Variants in BRMS1L observed in about 807,000 individuals in gnomAD.
The protein encoded by BRMS1L is BRMS1 like transcriptional repressor.
A neutral mutation model predicts 50.3 loss-of-function variants in BRMS1L; 23 were observed. That is an observed-to-expected ratio of 0.46 (90% CI 0.33 to 0.65). The LOEUF is 0.65. Ranked by LOEUF, BRMS1L falls within the 30% of genes least tolerant of loss-of-function variation. BRMS1L has a pLI of 0.02. For synonymous variants in BRMS1L, 114 were observed against 126.9 expected (o/e 0.90, Z 0.69); for missense variants, 286 against 386.1 (o/e 0.74, Z 2.17).
chr14:35,860,845 T>C (rs1269704727), intron 4 of BRMS1L, among the ~76,000 whole-genome samples: 1 of 152,184 alleles, frequency 6.6e-6, no homozygotes, highest in Non-Finnish European at 1.5e-5. Context: ...AAGGGGTTAT[T>C]AGTGAGCAGG....
Position 35,826,486 on chromosome 14 carries a change from C to A in BRMS1L, c.-31C>A. 2 of 1,560,168 alleles carry A rather than the reference C, an allele frequency of 1.3e-6. No homozygotes were observed. The highest frequency in any genetic ancestry group is 1.2e-5 in the South Asian group (1 of 84,958). On this transcript the variant is annotated 5_prime_UTR_variant, in exon 1 of 10. Transcript: ENST00000216807. ...AAGCGGCGGTGGCCGGGCTGGGCGC[C>A]GGTAGTGGAAAGCGACGGCGCGGCT... is the stretch of plus-strand genomic sequence containing the variant.
At chr14:35,827,790 A>G (rs971285726) in intron 1 of BRMS1L, among the ~76,000 whole-genome samples, 16 of 152,248 alleles carry the variant, frequency 1.1e-4, no homozygotes, top group African/African-American at 3.9e-4. Flanking sequence ...AATCGTTTCA[A>G]TATTGGGTGG....
Position 35,868,199 on chromosome 14 carries a change from A to G in BRMS1L, c.854+167A>G, listed in dbSNP as rs150833423. On this transcript the variant is annotated intron_variant, in intron 9 of 9. Transcript: ENST00000216807. ...TACATGTGTGTACAGCAGTGTTAATATGTATGAACCAGACTTCATATTAAG... is the reference window on the plus strand; with the variant it reads ...TACATGTGTGTACAGCAGTGTTAATGTGTATGAACCAGACTTCATATTAAG... Among the ~76,000 whole-genome samples the G allele has an allele frequency of 8.5e-5, 13 of 152,326 alleles. No homozygotes were observed. In the East Asian group the frequency reaches 2.5e-3, roughly 29 times the overall value.
At chr14:35,861,142 G>A (rs982676157) in intron 4 of BRMS1L, among the ~76,000 whole-genome samples, 5 of 152,136 alleles carry the variant, frequency 3.3e-5, no homozygotes, top group African/African-American at 7.2e-5. Flanking sequence ...ATGGATTCAT[G>A]GCAGTTTAAA....
In BRMS1L at chr14:35,859,080, T is replaced by G. The variant is rs141012177; in HGVS notation, c.442-3510T>G. Among the ~76,000 whole-genome samples the G allele has an allele frequency of 2.4e-3, 367 of 152,100 alleles. 2 individuals carry two copies. Among genetic ancestry groups the G allele is most frequent in the Admixed American group, 4.5e-3 (69 of 15,270 alleles). ...CCTCAGCCTGCCGAGTAGCTGGGAT[T>G]ACAGGTTCCTGCACCACGCCCGGCT... On this transcript the variant is annotated intron_variant, in intron 4 of 9. Coordinates refer to ENST00000216807, the MANE Select transcript of BRMS1L (RefSeq NM_032352.4).
chr14:35,868,446 A>T (rs1007731854), intron 9 of BRMS1L, among the ~76,000 whole-genome samples: 4 of 152,196 alleles, frequency 2.6e-5, no homozygotes, highest in African/African-American at 9.7e-5. Flanking sequence ...TAGAGTAGGA[A>T]ATAAATGGAA....
At chr14:35,857,240 CA>C (rs200406365) in intron 4 of BRMS1L, among the ~76,000 whole-genome samples, 17 of 125,466 alleles carry the variant, frequency 1.4e-4, no homozygotes, top group African/African-American at 2.8e-4. Flanking sequence ...GACTCCGTCT[CA>C]AAAAAAAAAA....
At chr14:35,834,103 A>G (rs1402370859) in intron 3 of BRMS1L, among the ~76,000 whole-genome samples, 1 of 152,130 alleles carries the variant, frequency 6.6e-6, no homozygotes, top group Non-Finnish European at 1.5e-5. Flanking sequence ...TGTGTTGCTG[A>G]TGACGTAGTT....
chr14:35,863,863 C>T lies in BRMS1L; in HGVS notation c.539-7C>T, dbSNP rs1329532909. On this transcript the variant is annotated splice_region_variant and splice_polypyrimidine_tract_variant and intron_variant, in intron 5 of 9. Transcript: ENST00000216807. ...CCACTAATACTTAATCTTTATTTAC[C>T]TGCCAGAGCTGTGGAATGATGAGCT... The T allele has an allele frequency of 2.5e-6, 4 of 1,610,610 alleles. No homozygotes were observed. The highest frequency in any genetic ancestry group is 1.7e-6 in the Non-Finnish European group (2 of 1,178,670).
chr14:35,833,520 A>G (rs924352641), intron 3 of BRMS1L, among the ~76,000 whole-genome samples: 1 of 152,102 alleles, frequency 6.6e-6, no homozygotes, highest in Admixed American at 6.5e-5. Flanking sequence ...AAAATGTTTG[A>G]TCAGGATATT....
At chr14:35,852,466 A>C (rs563262863) in intron 4 of BRMS1L, among the ~76,000 whole-genome samples, 1 of 151,958 alleles carries the variant, frequency 6.6e-6, no homozygotes, top group Non-Finnish European at 1.5e-5. Flanking sequence ...CAGTCCACGA[A>C]CTCTGGTGTA....
At chr14:35,853,366 T>C (rs2078238366) in intron 4 of BRMS1L, among the ~76,000 whole-genome samples, 3 of 152,240 alleles carry the variant, frequency 2.0e-5, no homozygotes, top group Middle Eastern at 6.8e-3. Context: ...ATTACATTTA[T>C]AGTGATTATA....
intron 4 of BRMS1L, among the ~76,000 whole-genome samples, chr14:35,852,363 A>G (rs185819538): frequency 2.4e-3 from 358 of 152,312 alleles, no homozygotes; most frequent in Non-Finnish European, 3.6e-3. Flanking sequence ...GGCATGTGCC[A>G]CCCTGCATAG....
At chr14:35,869,413 C>T (rs1161258142) in intron 9 of BRMS1L, among the ~76,000 whole-genome samples, 1 of 151,796 alleles carries the variant, frequency 6.6e-6, no homozygotes, top group East Asian at 1.9e-4. Flanking sequence ...AAAAAATTAT[C>T]CTTAGTCCCA....
intron 8 of BRMS1L, 72 bp from the exon 9 acceptor site, chr14:35,867,834 G>C (rs2078441069): frequency 7.1e-7 from 1 of 1,401,890 alleles, no homozygotes; most frequent in Non-Finnish European, 9.3e-7. Context: ...GATGTTAATT[G>C]TTAATGTTCT....
intron 2 of BRMS1L, among the ~76,000 whole-genome samples, chr14:35,832,334 C>T (rs1404478629): frequency 7.1e-6 from 1 of 141,758 alleles, no homozygotes; most frequent in Non-Finnish European, 1.5e-5. Context: ...GAAACCCCGT[C>T]TCTACTAAAA....
rs534117194 is a variant in BRMS1L, at chr14:35,871,718, C to T, written c.*1241C>T. The T allele has an allele frequency of 2.6e-5, 4 of 152,768 alleles. No homozygotes were observed. In the East Asian group the frequency reaches 5.8e-4, roughly 22 times the overall value. The allele number at this position is 152,768 out of a possible 1,614,324, so 9.5% of individuals were successfully genotyped here. A position where few individuals can be genotyped will look rare whatever the true frequency, so the allele number is the denominator to read the frequency against. On this transcript the variant is annotated 3_prime_UTR_variant, in exon 10 of 10. Transcript: ENST00000216807. ...TTTGTTTTCTTATTATTTTACCTCTCCAAACATCTTCCTGTGCAGATCACT... is the reference window on the plus strand; with the variant it reads ...TTTGTTTTCTTATTATTTTACCTCTTCAAACATCTTCCTGTGCAGATCACT...
At chr14:35,867,362 G>C (rs117723433) in intron 8 of BRMS1L, among the ~76,000 whole-genome samples, 11 of 152,130 alleles carry the variant, frequency 7.2e-5, no homozygotes, top group African/African-American at 2.7e-4. Context: ...GTATGCTTTT[G>C]ACACTGTGTT....
chr14:35,830,843 G>A (rs766744113), intron 1 of BRMS1L, among the ~76,000 whole-genome samples: 10 of 151,824 alleles, frequency 6.6e-5, no homozygotes, highest in Non-Finnish European at 2.9e-5. Context: ...CTTATAGTCA[G>A]TCCTTTAAAG....
Sources: allele counts gnomAD v4.1 joint callset (sites outside exome capture counted in the v4.1 genomes callset), GRCh38; gene constraint gnomAD v4.1.1; transcripts MANE v1.5; gene names NCBI Gene and HGNC (gene_info 2026-07-23, HGNC 2026-07-21).